Variants in TMEM242 observed in about 807,000 individuals in gnomAD.
TMEM242 encodes transmembrane protein 242.
In TMEM242, 10 loss-of-function variants were observed where a neutral mutation model predicts 18.2. The ratio of observed to expected loss-of-function variants is 0.55; its 90% CI spans 0.34 to 0.93. The LOEUF (loss-of-function observed/expected upper bound fraction) is 0.93, where lower values mean the gene tolerates loss of function less well. Ranked by LOEUF, TMEM242 falls within the 40% of genes least tolerant of loss-of-function variation. The pLI is 0.02. For missense variants in TMEM242, 186 were observed against 175.5 expected, an observed-to-expected ratio of 1.06 and a Z score of -0.34; for synonymous variants, 57 against 69.9, an observed-to-expected ratio of 0.81 and a Z score of 0.92.
At chr6:157,320,955 T>C (rs1174706370) in intron 2 of TMEM242, among the ~76,000 whole-genome samples, 4 of 152,040 alleles carry the variant, frequency 2.6e-5, no homozygotes, top group African/African-American at 9.7e-5. Flanking sequence ...AAAATCCTAC[T>C]TCAGTATAAA....
Position 157,292,731 on chromosome 6 carries a change from C to A in TMEM242, c.*170G>T. On this transcript the variant is annotated 3_prime_UTR_variant, in exon 4 of 4. Transcript: ENST00000400788. ...GGGAAAACTTTACCCTCCCCCAGCA[C>A]GCACACACATACTCTCCTGTGATGA... 2.1e-6 allele frequency: 1 copy of A among 471,902 alleles called. No individual in the cohort carries two copies. Among genetic ancestry groups the A allele is most frequent in the African/African-American group, 2.0e-5 (1 of 51,270 alleles). The allele number at this position is 471,902 out of a possible 1,614,324, so 29.2% of individuals were successfully genotyped here.
intron 3 of TMEM242, chr6:157,300,136 C>A: frequency 1.7e-6 from 1 of 604,662 alleles, no homozygotes. Context: ...TGGCTGCTCA[C>A]TCAAGAAATG....
Position 157,291,332 on chromosome 6 carries a change from C to T in TMEM242, c.*1569G>A, listed in dbSNP as rs879952459. On this transcript the variant is annotated 3_prime_UTR_variant, in exon 4 of 4. Coordinates refer to ENST00000400788, the MANE Select transcript of TMEM242 (RefSeq NM_018452.6). ...CCCACATCAAACGAGTAAAGTGCATCGTTGTAACAAGGTTTGAGGGCCATC... is the reference window on the plus strand; with the variant it reads ...CCCACATCAAACGAGTAAAGTGCATTGTTGTAACAAGGTTTGAGGGCCATC... 4.2e-5 allele frequency: 6 copies of T among 142,592 alleles called. No individual in the cohort carries two copies. The highest frequency in any genetic ancestry group is 1.9e-4 in the East Asian group (1 of 5,194). 8.8% of individuals were successfully genotyped at this position (142,592 alleles called of 1,614,324 possible). A position where few individuals can be genotyped will look rare whatever the true frequency, so the allele number is the denominator to read the frequency against.
intron 3 of TMEM242, among the ~76,000 whole-genome samples, chr6:157,315,449 A>C (rs1554250224): frequency 6.6e-6 from 1 of 152,250 alleles, no homozygotes; most frequent in African/African-American, 2.4e-5. Context: ...GGCCTTCTCA[A>C]ACATGGAGAT....
At position 157,291,121 on chromosome 6, in the gene TMEM242, AG is replaced by A. The variant is rs1335401806; in HGVS notation, c.*1779del. ...GGTCCCTGCCCTTCGGGAGGTTACA[AG>A]GCAGGAATCCATTAACAGAATCAGT... On this transcript the variant is annotated 3_prime_UTR_variant, in exon 4 of 4. Coordinates refer to ENST00000400788, the MANE Select transcript of TMEM242 (RefSeq NM_018452.6). The A allele has an allele frequency of 2.0e-5, 3 of 152,262 alleles. No homozygotes were observed. Among genetic ancestry groups the A allele is most frequent in the African/African-American group, 7.2e-5 (3 of 41,476 alleles). 9.4% of individuals were successfully genotyped at this position (152,262 alleles called of 1,614,324 possible).
rs1440598247 is a variant in TMEM242, at chr6:157,291,310, A to C, written c.*1591T>G. The stretch of plus-strand genomic sequence containing the variant: ...GGTAGTGCCCATTCTTTTTCCCCCC[A>C]CATCAAACGAGTAAAGTGCATCGTT... On this transcript the variant is annotated 3_prime_UTR_variant, in exon 4 of 4. Transcript: ENST00000400788. 1 of 151,808 alleles carries C rather than the reference A, an allele frequency of 6.6e-6. No individual in the cohort carries two copies. The highest frequency in any genetic ancestry group is 1.9e-4 in the East Asian group (1 of 5,198). The allele number at this position is 151,808 out of a possible 1,614,324, so 9.4% of individuals were successfully genotyped here. A position where few individuals can be genotyped will look rare whatever the true frequency, so the allele number is the denominator to read the frequency against.
At chr6:157,310,716 A>C (rs372898847) in intron 3 of TMEM242, among the ~76,000 whole-genome samples, 6 of 988 alleles carry the variant, frequency 6.1e-3, no homozygotes, top group South Asian at 0.02. Flanking sequence ...CCCAGTGTGC[A>C]CTCAGCTAGC....
rs1777653891 is a variant in TMEM242 at position 157,289,351 on chromosome 6, GC to G, written c.*3549del. On this transcript the variant is annotated 3_prime_UTR_variant, in exon 4 of 4. Coordinates refer to ENST00000400788, the MANE Select transcript of TMEM242 (RefSeq NM_018452.6). ...TATGCTCACAAAATCGCAGCCTTGG[GC>G]AATTAATCCTGATAACACCAAGAGA... 6.6e-6 allele frequency: 1 copy of G among 152,090 alleles called. No homozygotes were observed. Among genetic ancestry groups the G allele is most frequent in the African/African-American group, 2.4e-5 (1 of 41,414 alleles). 9.4% of individuals were successfully genotyped at this position (152,090 alleles called of 1,614,324 possible). A position where few individuals can be genotyped will look rare whatever the true frequency, so the allele number is the denominator to read the frequency against.
Position 157,305,315 on chromosome 6 carries a change from C to CA in TMEM242, c.328-12317_328-12316insT, listed in dbSNP as rs1310023554. The stretch of plus-strand genomic sequence containing the variant: ...GGAAATGAGAGAATCTAAGAGGATT[C>CA]TCACTGGGGTTTTTGGTTTGAAGTG... On this transcript the variant is annotated intron_variant, in intron 3 of 3. Transcript: ENST00000400788. The surrounding 1 kb of genome is among the most constrained non-coding windows in gnomAD (Gnocchi z 4.1). Among the ~76,000 whole-genome samples, 17 of 152,032 alleles carry CA rather than the reference C, an allele frequency of 1.1e-4. No homozygotes were observed. The highest frequency in any genetic ancestry group is 2.9e-5 in the Non-Finnish European group (2 of 68,020).
intron 2 of TMEM242, among the ~76,000 whole-genome samples, chr6:157,319,676 T>C (rs587670554): frequency 5.3e-4 from 81 of 152,330 alleles, no homozygotes; most frequent in African/African-American, 1.9e-3. Flanking sequence ...ATAAAAGCAG[T>C]GTAGGCAGTC....
intron 3 of TMEM242, among the ~76,000 whole-genome samples, chr6:157,314,374 A>AGCT (rs1778344944): frequency 5.6e-4 from 1 of 1,772 alleles, no homozygotes; most frequent in Non-Finnish European, 1.2e-3. Context: ...ATGCATTCCC[A>AGCT]TGATCATGTA....
At chr6:157,317,705 T>A (rs182258587) in intron 3 of TMEM242, among the ~76,000 whole-genome samples, 1 of 152,322 alleles carries the variant, frequency 6.6e-6, no homozygotes, top group East Asian at 1.9e-4. Flanking sequence ...CAAGTCAGAT[T>A]GAGCTCCTGA....
At chr6:157,314,002 C>T (rs1352114086) in intron 3 of TMEM242, among the ~76,000 whole-genome samples, 2 of 65,880 alleles carry the variant, frequency 3.0e-5, no homozygotes, top group African/African-American at 5.6e-5. Context: ...TGTGCGCTCA[C>T]CTAGCCTCAT....
At chr6:157,313,417 G>C (rs1175903152) in intron 3 of TMEM242, among the ~76,000 whole-genome samples, 6 of 26,070 alleles carry the variant, frequency 2.3e-4, no homozygotes, top group Admixed American at 8.3e-4. Flanking sequence ...TGTCCAGTGT[G>C]CGCTCACCTG....
intron 3 of TMEM242, among the ~76,000 whole-genome samples, chr6:157,297,227 A>G (rs9365504): frequency 0.65 from 98,215 of 152,110 alleles, 32,943 homozygotes; most frequent in East Asian, 0.96. Context: ...GGTAAGAGCA[A>G]ATCTGACTGC....
At chr6:157,320,516 G>C (rs1554250646) in intron 2 of TMEM242, among the ~76,000 whole-genome samples, 2 of 152,124 alleles carry the variant, frequency 1.3e-5, no homozygotes, top group African/African-American at 4.8e-5. Context: ...TGTCACCCAG[G>C]CTGGAGTGTA....
chr6:157,319,868 T>A (rs1554250613), intron 2 of TMEM242, among the ~76,000 whole-genome samples: 2 of 152,166 alleles, frequency 1.3e-5, no homozygotes, highest in African/African-American at 4.8e-5. Flanking sequence ...GCAAGTTGCT[T>A]AATTCATCTG....
At chr6:157,304,146 G>C (rs1777870458) in intron 3 of TMEM242, among the ~76,000 whole-genome samples, 1 of 152,068 alleles carries the variant, frequency 6.6e-6, no homozygotes, top group African/African-American at 2.4e-5. Flanking sequence ...TTATAATGTG[G>C]CATAAAACAT....
rs372494807 is a variant in TMEM242, at chr6:157,318,815, G to C, written c.294C>G (p.Ser98Arg). 1 of 1,614,098 alleles carries C rather than the reference G, an allele frequency of 6.2e-7. No homozygotes were observed. Among genetic ancestry groups the C allele is most frequent in the Non-Finnish European group, 8.5e-7 (1 of 1,180,024 alleles). The change falls in exon 3 of 4, where the codon AGC (serine) becomes AGG (arginine). Residue 98 changes from serine (S) to arginine (R), a missense_variant. By Grantham distance (110) the Ser-to-Arg change is moderately radical. Coordinates refer to ENST00000400788, the MANE Select transcript of TMEM242 (RefSeq NM_018452.6). ...LYAWCGVGVI[S>R]FAVWKALGVH... ...CTCCTAAAGCTTTCCAGACTGCGAA[G>C]CTAATCACACCAACCCCACACCATG...
Sources: allele counts gnomAD v4.1 joint callset (sites outside exome capture counted in the v4.1 genomes callset), GRCh38; gene constraint gnomAD v4.1.1; non-coding constraint Gnocchi (gnomAD v3.1); transcripts MANE v1.5; gene names NCBI Gene and HGNC (gene_info 2026-07-23, HGNC 2026-07-21).